The following ERC1 variants were observed in gnomAD, a reference collection of about 807,000 sequenced individuals.
ERC1 encodes the protein RAB6 interacting protein 2.
In ERC1, 56 loss-of-function variants were observed where a neutral mutation model predicts 132.0. The ratio of observed to expected loss-of-function variants is 0.42; its 90% CI spans 0.34 to 0.53. The LOEUF is 0.53. ERC1 is among the 20% of genes least tolerant of loss of function. The pLI, the probability that ERC1 is intolerant of heterozygous loss-of-function variation, is 0.03. For missense variants in ERC1, 1,202 were observed against 1,349.9 expected (o/e 0.89, Z 1.72); for synonymous variants, 478 against 476.1 (o/e 1.00, Z -0.05).
At chr12:1,038,846 C>G (rs1207510885) in intron 2 of ERC1, among the ~76,000 whole-genome samples, 1 of 151,986 alleles carries the variant, frequency 6.6e-6, no homozygotes, top group African/African-American at 2.4e-5. Flanking sequence ...TTGTAGAAGA[C>G]CTGGATTAAA....
chr12:1,259,597 C>T (rs2077022986), intron 13 of ERC1, among the ~76,000 whole-genome samples: 1 of 139,588 alleles, frequency 7.2e-6, no homozygotes, highest in Admixed American at 7.6e-5. Context: ...GATCTTGGCT[C>T]ACTGCAACCT....
intron 16 of ERC1, among the ~76,000 whole-genome samples, chr12:1,376,713 A>G (rs2087964819): frequency 6.6e-6 from 1 of 152,254 alleles, no homozygotes; most frequent in African/African-American, 2.4e-5. Flanking sequence ...GATGGTTGGT[A>G]ATCAGATTGT....
chr12:1,082,658 C>T (rs1015768947), intron 2 of ERC1, among the ~76,000 whole-genome samples: 5 of 149,712 alleles, frequency 3.3e-5, no homozygotes, highest in Non-Finnish European at 5.9e-5. Context: ...GCCCGGCTAA[C>T]TTTTGTATTT....
intron 13 of ERC1, among the ~76,000 whole-genome samples, chr12:1,239,457 G>C (rs544343039): frequency 1.3e-5 from 2 of 152,274 alleles, no homozygotes; most frequent in Admixed American, 1.3e-4. Context: ...GCCGGCCATC[G>C]TGGCTTATGC....
At chr12:1,336,922 T>G (rs555593345) in intron 15 of ERC1, among the ~76,000 whole-genome samples, 1 of 152,250 alleles carries the variant, frequency 6.6e-6, no homozygotes, top group South Asian at 2.1e-4. Flanking sequence ...CTCAGCTTCC[T>G]CAGTAGCTGG....
chr12:1,480,688 A>C (rs2094071071), intron 18 of ERC1, among the ~76,000 whole-genome samples: 2 of 134,046 alleles, frequency 1.5e-5, no homozygotes, highest in African/African-American at 6.8e-5. Context: ...TTTTAAGCCT[A>C]AAGGGGCCTG....
chr12:1,177,235 T>C (rs1460277377), intron 8 of ERC1, among the ~76,000 whole-genome samples: 1 of 152,212 alleles, frequency 6.6e-6, no homozygotes, highest in East Asian at 1.9e-4. Flanking sequence ...GATTTCTTTT[T>C]TGTGTGTTCA....
rs1250774079 is a variant in ERC1, at chr12:1,394,037, AAAAAAAACCAC to A, written c.2926-14108_2926-14098del. Among the ~76,000 whole-genome samples, 790 of 86,074 alleles carry A rather than the reference AAAAAAAACCAC, an allele frequency of 9.2e-3. 71 individuals are homozygous for A. Among genetic ancestry groups the A allele is most frequent in the African/African-American group, 0.012 (281 of 22,800 alleles). The allele number at this position is 86,074 out of a possible 152,430, so 56.5% of individuals were successfully genotyped here. A position where few individuals can be genotyped will look rare whatever the true frequency, so the allele number is the denominator to read the frequency against. On this transcript the variant is annotated intron_variant, in intron 16 of 18. Coordinates refer to ENST00000360905, the MANE Select transcript of ERC1 (RefSeq NM_178040.4). ...TCTCAAAAAAAAAAAAAAAAAACAA[AAAAAAAACCAC>A]AAAGCATTAAGCAATTTAATTTCTG...
intron 15 of ERC1, among the ~76,000 whole-genome samples, chr12:1,331,970 C>T (rs916130424): frequency 1.3e-5 from 2 of 152,144 alleles, no homozygotes; most frequent in African/African-American, 4.8e-5. Flanking sequence ...TCCTGGATTT[C>T]AGGATATATT....
intron 2 of ERC1, among the ~76,000 whole-genome samples, chr12:1,054,816 TAGAA>T (rs148536423): frequency 4.3e-4 from 66 of 152,012 alleles, no homozygotes; most frequent in African/African-American, 1.5e-3. Flanking sequence ...GGGGGCAGGG[TAGAA>T]AGAAAGAGAA....
intron 8 of ERC1, among the ~76,000 whole-genome samples, chr12:1,180,259 G>A (rs915636182): frequency 2.7e-4 from 39 of 145,822 alleles, no homozygotes; most frequent in African/African-American, 9.1e-4. Flanking sequence ...AGGGATGTGT[G>A]TGTGTGTGTG....
intron 1 of ERC1, among the ~76,000 whole-genome samples, chr12:1,002,507 A>C (rs542050667): frequency 1.3e-5 from 2 of 152,158 alleles, no homozygotes; most frequent in Non-Finnish European, 2.9e-5. Flanking sequence ...CTTTTAGTGC[A>C]TATGTGTATG....
chr12:1,016,175 AT>A (rs1329385428), intron 1 of ERC1, among the ~76,000 whole-genome samples: 2 of 152,192 alleles, frequency 1.3e-5, no homozygotes, highest in African/African-American at 4.8e-5. Flanking sequence ...TGGACTAGTG[AT>A]TTTGAGATTT....
At chr12:1,247,618 A>G (rs558162721) in intron 13 of ERC1, among the ~76,000 whole-genome samples, 1 of 152,382 alleles carries the variant, frequency 6.6e-6, no homozygotes, top group African/African-American at 2.4e-5. Context: ...CAGGTTAGTT[A>G]GCTCAGGCAT....
At chr12:1,203,358 G>A (rs896898810) in intron 12 of ERC1, among the ~76,000 whole-genome samples, 3 of 152,090 alleles carry the variant, frequency 2.0e-5, no homozygotes, top group Admixed American at 1.3e-4. Context: ...GCGCCTGCCC[G>A]GCTGCTACAT....
At chr12:1,307,941 C>A (rs2081004667) in intron 15 of ERC1, among the ~76,000 whole-genome samples, 1 of 152,132 alleles carries the variant, frequency 6.6e-6, no homozygotes, top group Non-Finnish European at 1.5e-5. Context: ...GTAGTGTGAC[C>A]AGCAGTAGCT....
At chr12:1,069,755 C>T (rs2154181089) in intron 2 of ERC1, among the ~76,000 whole-genome samples, 1 of 152,216 alleles carries the variant, frequency 6.6e-6, no homozygotes, top group South Asian at 2.1e-4. Flanking sequence ...TTTTCTGTAG[C>T]AAAATTTATG....
At chr12:1,417,269 C>T (rs1002584882) in intron 17 of ERC1, among the ~76,000 whole-genome samples, 2 of 152,196 alleles carry the variant, frequency 1.3e-5, no homozygotes, top group African/African-American at 4.8e-5. Flanking sequence ...TTCTCACTAG[C>T]TGTCTCAGAA....
intron 15 of ERC1, among the ~76,000 whole-genome samples, chr12:1,333,235 G>A (rs1036164225): frequency 6.6e-6 from 1 of 152,000 alleles, no homozygotes; most frequent in Non-Finnish European, 1.5e-5. Context: ...GTTTGTTAAG[G>A]GTAGTGGTCT....
Sources: allele counts gnomAD v4.1 joint callset (sites outside exome capture counted in the v4.1 genomes callset), GRCh38; gene constraint gnomAD v4.1.1; transcripts MANE v1.5; gene names NCBI Gene and HGNC (gene_info 2026-07-23, HGNC 2026-07-21).